VPS53: variants seen among roughly 807,000 people sequenced by gnomAD.
The protein encoded by VPS53 is VPS53 subunit of GARP complex.
Under a neutral mutation model 107.0 loss-of-function variants are expected in VPS53, and 70 were observed. The observed-to-expected ratio is 0.65, with a 90% CI of 0.54 to 0.80. VPS53 has a LOEUF of 0.80. Ranked by LOEUF, VPS53 falls within the 30% of genes least tolerant of loss-of-function variation. The pLI, the probability that VPS53 is intolerant of heterozygous loss-of-function variation, is 0.00. For missense variants in VPS53, 917 were observed against 1,049.4 expected (o/e 0.87, Z 1.74); for synonymous variants, 409 against 393.3 (o/e 1.04, Z -0.47).
At chr17:661,353 C>G (rs1468166240) in intron 5 of VPS53, among the ~76,000 whole-genome samples, 1 of 151,702 alleles carries the variant, frequency 6.6e-6, no homozygotes, top group African/African-American at 2.4e-5. Context: ...AACCCTTTCT[C>G]TACTAAAAAT....
In VPS53 at chr17:512,429, C is replaced by G. The variant is rs1167267593; in HGVS notation, c.*6699G>C. The G allele has an allele frequency of 6.6e-6, 1 of 152,256 alleles. No homozygotes were observed. Among genetic ancestry groups the G allele is most frequent in the East Asian group, 1.9e-4 (1 of 5,198 alleles). 9.4% of individuals were successfully genotyped at this position (152,256 alleles called of 1,614,324 possible). On this transcript the variant is annotated 3_prime_UTR_variant, in exon 22 of 22. Coordinates refer to ENST00000437048, the MANE Select transcript of VPS53 (RefSeq NM_001128159.3). ...CTGCAGATCAAGTCTTCTGTGGATG[C>G]TTCCAATCCCAGGCTGCTTTCATTT...
chr17:561,223 C>T (rs1912938514), intron 14 of VPS53, among the ~76,000 whole-genome samples: 1 of 152,206 alleles, frequency 6.6e-6, no homozygotes, highest in Non-Finnish European at 1.5e-5. Flanking sequence ...AGGCCAACAC[C>T]CATCACACAT....
intron 15 of VPS53, among the ~76,000 whole-genome samples, chr17:558,851 C>T (rs1433388135): frequency 1.3e-5 from 2 of 151,372 alleles, no homozygotes; most frequent in Middle Eastern, 3.4e-3. Flanking sequence ...AAAAATTAGC[C>T]GGGGATGGTG....
At chr17:691,647 G>T (rs1972778325) in intron 4 of VPS53, among the ~76,000 whole-genome samples, 1 of 152,178 alleles carries the variant, frequency 6.6e-6, no homozygotes, top group African/African-American at 2.4e-5. Context: ...ATTCTGAGTA[G>T]TGTGATAAAA....
intron 13 of VPS53, among the ~76,000 whole-genome samples, chr17:571,956 G>A (rs1264837761): frequency 3.9e-5 from 6 of 151,964 alleles, no homozygotes; most frequent in Admixed American, 6.5e-5. Context: ...GCCTCTGCCC[G>A]GCCGCCACCC....
chr17:627,971 A>G (rs1026636132), intron 9 of VPS53, 117 bp downstream of exon 9: 9 of 1,078,286 alleles, frequency 8.3e-6, no homozygotes, highest in Non-Finnish European at 1.2e-5. Context: ...CTCACAGCTC[A>G]ACAACCAACA....
chr17:548,390 C>A (rs1053241994), intron 17 of VPS53, among the ~76,000 whole-genome samples: 1 of 150,908 alleles, frequency 6.6e-6, no homozygotes. Flanking sequence ...TGGAATCATC[C>A]AATGACTACA....
rs1029819324 is a variant in VPS53 at position 567,644 on chromosome 17, G to A, written c.1314-4899C>T. ...GCCTCCCAAGTAGCTGGGACTACAG[G>A]CGTCCATCACCATGCATGGCTAGGA... On this transcript the variant is annotated intron_variant, in intron 13 of 21. Coordinates refer to ENST00000437048, the MANE Select transcript of VPS53 (RefSeq NM_001128159.3). Among the ~76,000 whole-genome samples the A allele has an allele frequency of 3.3e-4, 50 of 152,116 alleles. 1 individual carries two copies. The highest frequency in any genetic ancestry group is 1.2e-3 in the African/African-American group (50 of 41,512).
At chr17:674,178 A>G (rs1972068595) in intron 4 of VPS53, 1 of 152,204 alleles carries the variant, frequency 6.6e-6, no homozygotes, top group Non-Finnish European at 1.5e-5. Flanking sequence ...CTTTTGCTGA[A>G]TGAAAGGTAA....
Position 573,812 on chromosome 17 carries a change from T to C in VPS53, c.1314-11067A>G, listed in dbSNP as rs1433447850. 2.0e-5 allele frequency among the ~76,000 whole-genome samples: 3 copies of C among 152,194 alleles called. No individual in the cohort carries two copies. In the East Asian group the frequency reaches 5.8e-4, roughly 29 times the overall value. ...TTTCCACCACACTGTGTTGCGTCTC[T>C]GTCATCTGGGAAGTTATGAATGGTC... On this transcript the variant is annotated intron_variant, in intron 13 of 21. Coordinates refer to ENST00000437048, the MANE Select transcript of VPS53 (RefSeq NM_001128159.3).
chr17:619,267 T>A (rs1262674640), intron 11 of VPS53, among the ~76,000 whole-genome samples: 2 of 135,960 alleles, frequency 1.5e-5, no homozygotes, highest in African/African-American at 5.7e-5. Flanking sequence ...GGACTACACG[T>A]GTGCACCACC....
At chr17:710,844 CT>C (rs1973617847) in intron 1 of VPS53, among the ~76,000 whole-genome samples, 1 of 151,900 alleles carries the variant, frequency 6.6e-6, no homozygotes, top group Non-Finnish European at 1.5e-5. Flanking sequence ...ACTCAGGAGG[CT>C]GAGGCAGGAG....
At chr17:567,231 A>G (rs545746849) in intron 13 of VPS53, among the ~76,000 whole-genome samples, 2 of 152,356 alleles carry the variant, frequency 1.3e-5, no homozygotes, top group East Asian at 1.9e-4. Context: ...GTTCACTTCA[A>G]AAAGCTCTAA....
intron 6 of VPS53, 67 bp from the exon 7 acceptor site, chr17:653,477 A>C (rs1971044649): frequency 2.5e-6 from 4 of 1,604,638 alleles, no homozygotes; most frequent in Non-Finnish European, 2.6e-6. Flanking sequence ...GACACAGAAC[A>C]ACCCACGCTA....
At chr17:612,090 C>A (rs554754995) in intron 11 of VPS53, among the ~76,000 whole-genome samples, 1 of 151,462 alleles carries the variant, frequency 6.6e-6, no homozygotes, top group African/African-American at 2.4e-5. Context: ...ATAGTGAGTT[C>A]ACACAGTGAA....
chr17:527,622 A>G (rs1186153041), intron 19 of VPS53, among the ~76,000 whole-genome samples: 3 of 152,218 alleles, frequency 2.0e-5, no homozygotes, highest in South Asian at 2.1e-4. Context: ...TTAAATTATT[A>G]TTATGATTAG....
intron 4 of VPS53, among the ~76,000 whole-genome samples, chr17:686,764 C>T (rs998865043): frequency 2.6e-5 from 4 of 152,228 alleles, no homozygotes; most frequent in South Asian, 2.1e-4. Context: ...ACTGAAATTC[C>T]AGTGGACTGT....
chr17:678,337 G>A (rs1026608319), intron 4 of VPS53, among the ~76,000 whole-genome samples: 1 of 151,554 alleles, frequency 6.6e-6, no homozygotes, highest in Non-Finnish European at 1.5e-5. Flanking sequence ...CAGGAGAATC[G>A]CTTGAACCCG....
At chr17:678,336 C>T (rs536944988) in intron 4 of VPS53, among the ~76,000 whole-genome samples, 52 of 151,600 alleles carry the variant, frequency 3.4e-4, no homozygotes, top group Non-Finnish European at 6.0e-4. Context: ...GCAGGAGAAT[C>T]GCTTGAACCC....
Sources: gnomAD v4.1 joint callset for allele counts (sites outside exome capture counted in the v4.1 genomes callset) on GRCh38, gnomAD v4.1.1 for gene constraint, MANE v1.5 for transcripts, NCBI Gene and HGNC (gene_info 2026-07-23, HGNC 2026-07-21) for gene names.